The following HESX1 variants were observed in gnomAD, a reference collection of about 807,000 sequenced individuals.
HESX1 encodes HESX homeobox 1.
HESX1 carries 11 observed loss-of-function variants against 22.5 expected under a neutral mutation model. The observed-to-expected ratio is 0.49, with a 90% CI of 0.31 to 0.81. The LOEUF (loss-of-function observed/expected upper bound fraction) is 0.81. Among genes scored for constraint, HESX1 ranks in the 30% least tolerant of loss-of-function variants. The pLI, the probability that HESX1 is intolerant of heterozygous loss-of-function variation, is 0.05. For missense variants in HESX1, 201 were observed against 212.6 expected, an observed-to-expected ratio of 0.95 and a Z score of 0.34; for synonymous variants, 74 against 76.5, an observed-to-expected ratio of 0.97 and a Z score of 0.17.
intron 1 of HESX1, among the ~76,000 whole-genome samples, chr3:57,222,626 G>A (rs1374783721): frequency 6.6e-6 from 1 of 152,098 alleles, no homozygotes; most frequent in African/African-American, 2.4e-5. Flanking sequence ...TAAGTGTCAT[G>A]AAAATCTTTT....
upstream of HESX1, among the ~76,000 whole-genome samples, chr3:57,227,395 G>A (rs182719995): frequency 1.6e-3 from 242 of 152,330 alleles, no homozygotes; most frequent in Non-Finnish European, 3.0e-3. Flanking sequence ...CCAGCAGTAG[G>A]ACTTTCTCCA....
rs143188659 is a variant in HESX1 at position 57,215,227 on chromosome 3, A to T, written c.-111+11069T>A. Among the ~76,000 whole-genome samples, 720 of 152,190 alleles carry T rather than the reference A, an allele frequency of 4.7e-3. 7 individuals carry two copies. The highest frequency in any genetic ancestry group is 0.017 in the African/African-American group (701 of 41,520). On this transcript the variant is annotated intron_variant, in intron 1 of 2. Transcript: ENST00000495160. ...AACTCAGATATTAGAAATAGTTTAA[A>T]ATATATATATATTTCTAAAAGGTTG... is the stretch of plus-strand genomic sequence containing the variant.
upstream of HESX1, among the ~76,000 whole-genome samples, chr3:57,201,593 A>G (rs1289971682): frequency 6.7e-6 from 1 of 149,818 alleles, no homozygotes; most frequent in East Asian, 1.9e-4. Flanking sequence ...TTATAGGTAA[A>G]TTATCTAGTA....
intron 1 of HESX1, 79 bp from the exon 2 acceptor site, chr3:57,199,031 C>G: frequency 3.1e-6 from 4 of 1,304,366 alleles, no homozygotes; most frequent in Non-Finnish European, 4.4e-6. Context: ...GTTTCAGGAA[C>G]TCATCTTTCA....
At chr3:57,209,671 C>CAAAAAAAAAAAAAA (rs71088042) in intron 1 of HESX1, among the ~76,000 whole-genome samples, 1 of 82,100 alleles carries the variant, frequency 1.2e-5, no homozygotes, top group South Asian at 3.9e-4. Context: ...AGCTCCATCT[C>CAAAAAAAAAAAAAA]AAAAAAAAAA....
chr3:57,198,337 T>C (rs987783507), intron 3 of HESX1, 42 bp from the exon 4 acceptor site: 1 of 1,563,672 alleles, frequency 6.4e-7, no homozygotes, highest in Non-Finnish European at 8.8e-7. Flanking sequence ...GAAACATTAT[T>C]TTATTATTCT....
rs1286776890 is a variant in HESX1 at position 57,198,883 on chromosome 3, T to C, written c.227A>G (p.Asp76Gly). ...AGCTCTTTCTTCTGGCATTGGGTGATCCACCACGCTAGGGAATGAAATCCC... is the reference window on the plus strand; with the variant it reads ...AGCTCTTTCTTCTGGCATTGGGTGACCCACCACGCTAGGGAATGAAATCCC... ...PSGISFPSVV[D>G]HPMPEERASK... Residue 76 changes from aspartate (D) to glycine (G), a missense_variant, in exon 2 of 4, where the codon GAT becomes GGT. Physicochemically the swap from Asp to Gly is moderately conservative, Grantham distance 94 (BLOSUM62 -1). Coordinates refer to ENST00000295934, the MANE Select transcript of HESX1 (RefSeq NM_003865.3). 2 of 1,613,998 alleles carry C rather than the reference T, an allele frequency of 1.2e-6. No homozygotes were observed. The highest frequency in any genetic ancestry group is 1.7e-6 in the Non-Finnish European group (2 of 1,180,008).
At chr3:57,220,596 A>G (rs778069520) in intron 1 of HESX1, among the ~76,000 whole-genome samples, 8 of 151,858 alleles carry the variant, frequency 5.3e-5, no homozygotes, top group Non-Finnish European at 8.8e-5. Context: ...CTGCCCATCT[A>G]ATTTTTGTAT....
upstream of HESX1, among the ~76,000 whole-genome samples, chr3:57,203,794 G>A (rs1341138970): frequency 6.6e-6 from 1 of 151,576 alleles, no homozygotes; most frequent in Non-Finnish European, 1.5e-5. Context: ...ACCTCAAGTG[G>A]TCTGCCTGCC....
At chr3:57,206,045 G>T (rs953925538) in intron 1 of HESX1, among the ~76,000 whole-genome samples, 1 of 152,166 alleles carries the variant, frequency 6.6e-6, no homozygotes, top group Non-Finnish European at 1.5e-5. Flanking sequence ...AGGAAAATTA[G>T]CTGGGTGTGG....
intron 1 of HESX1, among the ~76,000 whole-genome samples, chr3:57,199,401 C>A (rs1299970601): frequency 6.6e-6 from 1 of 151,922 alleles, no homozygotes; most frequent in Non-Finnish European, 1.5e-5. Context: ...GGCGGATCAC[C>A]TGAGGTCAGG....
intron 1 of HESX1, among the ~76,000 whole-genome samples, chr3:57,213,209 C>T (rs1246152601): frequency 6.6e-6 from 1 of 152,164 alleles, no homozygotes; most frequent in African/African-American, 2.4e-5. Context: ...ACCATTTTGG[C>T]AATGAACATC....
upstream of HESX1, among the ~76,000 whole-genome samples, chr3:57,227,585 G>A (rs1303220974): frequency 4.6e-5 from 7 of 152,304 alleles, no homozygotes; most frequent in East Asian, 1.9e-4. Context: ...TGCCACCTCC[G>A]CCGCTTCCGA....
intron 1 of HESX1, among the ~76,000 whole-genome samples, chr3:57,212,640 A>G (rs1170180966): frequency 1.3e-5 from 2 of 152,070 alleles, no homozygotes; most frequent in African/African-American, 4.8e-5. Flanking sequence ...GATTCATTCT[A>G]TACAACAGTA....
At chr3:57,199,665 A>C in intron 1 of HESX1, 97 bp downstream of exon 1, 1 of 740,326 alleles carries the variant, frequency 1.4e-6, no homozygotes, top group South Asian at 3.2e-5. Context: ...ATTAAATTAA[A>C]GTCCTAAACT....
At chr3:57,215,498 G>A (rs559939751) in intron 1 of HESX1, among the ~76,000 whole-genome samples, 15 of 152,290 alleles carry the variant, frequency 9.8e-5, no homozygotes, top group Admixed American at 2.6e-4. Flanking sequence ...GCCAGGCACG[G>A]TGGCTCACAC....
At chr3:57,201,615 G>A (rs1021601319), upstream of HESX1, among the ~76,000 whole-genome samples, 1 of 149,550 alleles carries the variant, frequency 6.7e-6, no homozygotes, top group Admixed American at 6.8e-5. Flanking sequence ...GTTAGCCAGG[G>A]TAAGAATGAG....
chr3:57,210,377 T>C (rs992884749), intron 1 of HESX1, among the ~76,000 whole-genome samples: 17 of 152,208 alleles, frequency 1.1e-4, no homozygotes, highest in African/African-American at 3.4e-4. Context: ...TCCAAATCAT[T>C]AACATCAGGA....
intron 1 of HESX1, among the ~76,000 whole-genome samples, chr3:57,207,323 C>T (rs1412208927): frequency 2.6e-5 from 4 of 152,154 alleles, no homozygotes; most frequent in African/African-American, 9.7e-5. Flanking sequence ...GATCATGTGA[C>T]TTCTTACCTC....
Sources: gnomAD v4.1 joint callset for allele counts (sites outside exome capture counted in the v4.1 genomes callset) on GRCh38, gnomAD v4.1.1 for gene constraint, MANE v1.5 for transcripts, NCBI Gene and HGNC (gene_info 2026-07-23, HGNC 2026-07-21) for gene names.